Variants in FKBP6 observed in about 807,000 individuals in gnomAD.
FKBP6 encodes the protein FKBP prolyl isomerase family member 6 (inactive), also known as inactive peptidyl-prolyl cis-trans isomerase FKBP6.
FKBP6 carries 29 observed loss-of-function variants against 41.7 expected under a neutral mutation model. The observed-to-expected ratio is 0.70, with a 90% CI of 0.52 to 0.95. The LOEUF is 0.95. Among genes scored for constraint, FKBP6 ranks in the 40% least tolerant of loss-of-function variants. The pLI is 0.00. For synonymous variants in FKBP6, 130 were observed against 165.1 expected (o/e 0.79, Z 1.63); for missense variants, 338 against 408.7 (o/e 0.83, Z 1.49).
chr7:73,335,757 A>T (rs757226896), intron 5 of FKBP6, among the ~76,000 whole-genome samples: 24 of 152,214 alleles, frequency 1.6e-4, no homozygotes, highest in South Asian at 4.1e-4. Context: ...CACTCTGCCA[A>T]ATCAGTCATC....
Position 73,340,555 on chromosome 7 carries a change from T to C in FKBP6, c.589-83T>C. On this transcript the variant is annotated intron_variant, in intron 5 of 8. Transcript: ENST00000252037. ...ACCTGTAACAGCCGATTTTTAGCTC[T>C]GATAGTTTTTGCGTGTGGATTCTTT... 3 of 1,133,794 alleles carry C rather than the reference T, an allele frequency of 2.6e-6. No homozygotes were observed. In the South Asian group the frequency reaches 3.8e-5, roughly 14 times the overall value. 70.2% of individuals were successfully genotyped at this position (1,133,794 alleles called of 1,614,324 possible).
intron 8 of FKBP6, among the ~76,000 whole-genome samples, chr7:73,355,054 T>C (rs1365936385): frequency 2.0e-5 from 3 of 152,224 alleles, no homozygotes; most frequent in Admixed American, 6.5e-5. Context: ...TTCACACCCT[T>C]CTTTGATTAC....
Position 73,341,266 on chromosome 7 carries a change from G to A in FKBP6, c.784-7G>A. The stretch of plus-strand genomic sequence containing the variant: ...ACTGTGCTTTTAAAGTTCTCTCCTT[G>A]GGACAGGCTTGTCTTCTCCTGACTG... On this transcript the variant is annotated splice_polypyrimidine_tract_variant and splice_region_variant and intron_variant, in intron 6 of 8. Coordinates refer to ENST00000252037, the MANE Select transcript of FKBP6 (RefSeq NM_003602.5). 3 of 1,589,194 alleles carry A rather than the reference G, an allele frequency of 1.9e-6. No homozygotes were observed. Among genetic ancestry groups the A allele is most frequent in the Non-Finnish European group, 2.6e-6 (3 of 1,157,260 alleles).
At chr7:73,349,712 CAA>C (rs1213747722) in intron 8 of FKBP6, among the ~76,000 whole-genome samples, 4 of 27,858 alleles carry the variant, frequency 1.4e-4, no homozygotes, top group Admixed American at 3.2e-4. Flanking sequence ...GACTCCGTCT[CAA>C]AAAAAAAAAA....
rs544716205 is a variant in FKBP6, at chr7:73,335,436, G to A, written c.588+3660G>A. Among the ~76,000 whole-genome samples the A allele has an allele frequency of 3.7e-4, 57 of 152,280 alleles. 2 individuals carry two copies. Among genetic ancestry groups the A allele is most frequent in the Non-Finnish European group, 1.5e-4 (10 of 68,026 alleles). ...GACCGGCATTCTGGGAGCCAAGCTGGGCAGCAGGACAGAGGTTCTCACTGT... is the reference window on the plus strand; with the variant it reads ...GACCGGCATTCTGGGAGCCAAGCTGAGCAGCAGGACAGAGGTTCTCACTGT... On this transcript the variant is annotated intron_variant, in intron 5 of 8. Transcript: ENST00000252037.
chr7:73,351,405 G>A (rs1805487854), intron 8 of FKBP6, among the ~76,000 whole-genome samples: 1 of 151,922 alleles, frequency 6.6e-6, no homozygotes, highest in Non-Finnish European at 1.5e-5. Flanking sequence ...AAATGGCGTT[G>A]CATCTTCTGC....
intron 3 of FKBP6, 148 bp downstream of exon 3, chr7:73,329,597 C>T: frequency 1.4e-6 from 1 of 701,962 alleles, no homozygotes. Flanking sequence ...CATGTTCTCT[C>T]CCCTTGAGAC....
At chr7:73,329,016 G>A (rs1804737824) in intron 2 of FKBP6, among the ~76,000 whole-genome samples, 1 of 152,032 alleles carries the variant, frequency 6.6e-6, no homozygotes, top group African/African-American at 2.4e-5. Flanking sequence ...TGTTGCCCAG[G>A]CTGGTCTCAG....
intron 8 of FKBP6, among the ~76,000 whole-genome samples, chr7:73,351,634 A>G (rs1805493314): frequency 6.6e-6 from 1 of 151,986 alleles, no homozygotes; most frequent in South Asian, 2.1e-4. Context: ...CTGGGAAGGC[A>G]TTTCCTCTGG....
intron 5 of FKBP6, among the ~76,000 whole-genome samples, chr7:73,334,526 A>G (rs1228811959): frequency 6.6e-6 from 1 of 151,886 alleles, no homozygotes; most frequent in Non-Finnish European, 1.5e-5. Context: ...ACTCACACCT[A>G]TAATCCCAGC....
chr7:73,355,998 G>A (rs1254997080), intron 8 of FKBP6, among the ~76,000 whole-genome samples: 4 of 149,736 alleles, frequency 2.7e-5, no homozygotes, highest in African/African-American at 7.4e-5. Context: ...CCCGGGAGGC[G>A]GAGCTTGCAG....
intron 7 of FKBP6, 70 bp downstream of exon 7, chr7:73,341,452 C>G: frequency 1.0e-6 from 1 of 976,188 alleles, no homozygotes; most frequent in Admixed American, 1.7e-5. Flanking sequence ...CCCCCACCCC[C>G]CCCAACAAAG....
At position 73,330,249 on chromosome 7, in the gene FKBP6, GCTGCC is replaced by G. The variant is rs782163710; in HGVS notation, c.368_372del (p.Cys123SerfsTer12). 3 of 1,613,956 alleles carry G rather than the reference GCTGCC, an allele frequency of 1.9e-6. No homozygotes were observed. In the African/African-American group the frequency reaches 4.0e-5, roughly 22 times the overall value. On this transcript the variant is annotated frameshift_variant, in exon 4 of 9. Coordinates refer to ENST00000252037, the MANE Select transcript of FKBP6 (RefSeq NM_003602.5). LOFTEE classifies it high-confidence loss of function. ...CCGAACTACGCCTATGGAACGCTGG[GCTGCC>G]CTCCCTTGATCCCCCCAAACACCAC...
chr7:73,354,635 A>G (rs1200495952), intron 8 of FKBP6, among the ~76,000 whole-genome samples: 2 of 152,144 alleles, frequency 1.3e-5, no homozygotes, highest in African/African-American at 4.8e-5. Flanking sequence ...TGAGTAATGC[A>G]TTTTGGGAAG....
At chr7:73,348,357 T>C (rs559419407) in intron 8 of FKBP6, among the ~76,000 whole-genome samples, 6 of 152,304 alleles carry the variant, frequency 3.9e-5, no homozygotes, top group African/African-American at 1.4e-4. Context: ...GATTCCCCGA[T>C]GTGCTCAACG....
chr7:73,339,698 C>T (rs782763792), intron 5 of FKBP6, among the ~76,000 whole-genome samples: 1 of 150,752 alleles, frequency 6.6e-6, no homozygotes, highest in Non-Finnish European at 1.5e-5. Flanking sequence ...ACCACAACCT[C>T]CGCCTCCCAT....
rs71925165 is a variant in FKBP6, at chr7:73,356,065, CAAAAAAAAAAA to C, written c.*3-2099_*3-2089del. On this transcript the variant is annotated intron_variant, in intron 8 of 8. Transcript: ENST00000252037. ...TGGGCGACAGAGCAAGACTCTGTCTCAAAAAAAAAAAAAAAAAAAAAAAAAAAGTGAGTGTA... is the reference window on the plus strand; with the variant it reads ...TGGGCGACAGAGCAAGACTCTGTCTCAAAAAAAAAAAAAAAAGTGAGTGTA... Among the ~76,000 whole-genome samples the C allele has an allele frequency of 1.6e-3, 51 of 32,202 alleles. 1 individual carries two copies. The highest frequency in any genetic ancestry group is 5.1e-3 in the East Asian group (4 of 792). The allele number at this position is 32,202 out of a possible 152,430, so 21.1% of individuals were successfully genotyped here.
chr7:73,356,757 A>T (rs1805643485), intron 8 of FKBP6, among the ~76,000 whole-genome samples: 1 of 152,064 alleles, frequency 6.6e-6, no homozygotes, highest in Non-Finnish European at 1.5e-5. Context: ...GGTAATGGTC[A>T]TTTTGTCTTC....
At chr7:73,338,782 A>G (rs972702191) in intron 5 of FKBP6, among the ~76,000 whole-genome samples, 1 of 152,170 alleles carries the variant, frequency 6.6e-6, no homozygotes, top group Non-Finnish European at 1.5e-5. Context: ...CTTTGGAAAA[A>G]TGTCTATTCG....
Sources: allele counts gnomAD v4.1 joint callset (sites outside exome capture counted in the v4.1 genomes callset), GRCh38; gene constraint gnomAD v4.1.1; transcripts MANE v1.5; gene names NCBI Gene and HGNC (gene_info 2026-07-23, HGNC 2026-07-21).